The following PEBP4 variants were observed in gnomAD, a reference collection of about 807,000 sequenced individuals.
PEBP4 encodes phosphatidylethanolamine-binding protein 4.
A neutral mutation model predicts 23.9 loss-of-function variants in PEBP4; 22 were observed. The ratio of observed to expected loss-of-function variants is 0.92; its 90% CI spans 0.66 to 1.31. The LOEUF (loss-of-function observed/expected upper bound fraction) is 1.31. Among genes scored for constraint, PEBP4 ranks in the 40% most tolerant of loss-of-function variants. The pLI is 0.00. For missense variants in PEBP4, 324 were observed against 281.7 expected, an observed-to-expected ratio of 1.15 and a Z score of -1.07; for synonymous variants, 112 against 99.3, an observed-to-expected ratio of 1.13 and a Z score of -0.76.
chr8:22,724,851 T>C lies in PEBP4; in HGVS notation c.509A>G (p.Lys170Arg), dbSNP rs753091074. 4.3e-6 allele frequency: 7 copies of C among 1,612,828 alleles called. No homozygotes were observed. The Middle Eastern group carries it at 5.0e-4, about 114-fold the overall frequency. Residue 170 changes from lysine (K) to arginine (R), a missense_variant, in exon 6 of 7, where the codon AAA becomes AGA. Lys to Arg is a conservative substitution (Grantham distance 26). Transcript: ENST00000256404. ...GGATGGGGAGGTCTTACCTCGAGTT[T>C]TGTTTTCCTTGGGAAGGAGAGAGAT... is the stretch of plus-strand genomic sequence containing the variant. Reference protein sequence around the residue: ...KVISLLPKENKTRGSWKMDRF... With the variant: ...KVISLLPKENRTRGSWKMDRF...
At position 22,715,861 on chromosome 8, in the gene PEBP4, G is replaced by T. The variant is rs555557143; in HGVS notation, c.518-2325C>A. Among the ~76,000 whole-genome samples the T allele has an allele frequency of 2.0e-5, 3 of 152,358 alleles. No individual in the cohort carries two copies. In the South Asian group the frequency reaches 6.2e-4, roughly 32 times the overall value. On this transcript the variant is annotated intron_variant, in intron 6 of 6. Coordinates refer to ENST00000256404, the MANE Select transcript of PEBP4 (RefSeq NM_144962.3). ...AGAGGGGGTGAGTCAGGCCCTTGGG[G>T]TGTGTGGGGAGAGCTGGAGAGCTAG... is the stretch of plus-strand genomic sequence containing the variant.
intron 4 of PEBP4, among the ~76,000 whole-genome samples, chr8:22,786,208 T>TAAAA: frequency 6.6e-6 from 1 of 152,200 alleles, no homozygotes; most frequent in Non-Finnish European, 1.5e-5. Flanking sequence ...TAATACATTA[T>TAAAA]GTATTCTGGG....
In PEBP4 at chr8:22,940,467, C is replaced by T. The variant is rs149959607; in HGVS notation, c.145-12747G>A. ...CACGCTAGAGTGAAAAAATTGGAAA[C>T]ACCACCTTTACCATGAATTTCTCTT... On this transcript the variant is annotated intron_variant, in intron 1 of 1. Coordinates refer to the PEBP4 transcript ENST00000522278. 2.9e-3 allele frequency among the ~76,000 whole-genome samples: 430 copies of T among 149,292 alleles called. 4 individuals are homozygous for T. Among genetic ancestry groups the T allele is most frequent in the Non-Finnish European group, 5.0e-3 (336 of 67,614 alleles).
chr8:22,728,555 T>TTC (rs1563196300), intron 4 of PEBP4, among the ~76,000 whole-genome samples: 25 of 69,486 alleles, frequency 3.6e-4, no homozygotes, highest in African/African-American at 1.2e-3. Flanking sequence ...TTTCTTTCTT[T>TTC]CTTTCTTCCT....
chr8:22,758,202 C>G (rs1011809776), intron 4 of PEBP4: 1 of 152,206 alleles, frequency 6.6e-6, no homozygotes, highest in African/African-American at 2.4e-5. Context: ...GATTTTGAAG[C>G]TGGTGGGTCA....
intron 3 of PEBP4, among the ~76,000 whole-genome samples, chr8:22,912,037 G>A (rs1585339724): frequency 1.3e-5 from 2 of 152,034 alleles, no homozygotes; most frequent in South Asian, 2.1e-4. Flanking sequence ...GATTGGGTAA[G>A]GGGGGGCGCT....
intron 4 of PEBP4, among the ~76,000 whole-genome samples, chr8:22,800,161 G>A (rs1282501202): frequency 2.0e-5 from 3 of 151,992 alleles, no homozygotes; most frequent in Non-Finnish European, 4.4e-5. Flanking sequence ...GTAAACTTTC[G>A]CTTTCTTCTT....
At chr8:22,935,122 G>A in intron 1 of PEBP4, among the ~76,000 whole-genome samples, 1 of 152,166 alleles carries the variant, frequency 6.6e-6, no homozygotes, top group East Asian at 1.9e-4. Flanking sequence ...AGCATACAAG[G>A]ATAGAATTGA....
chr8:22,928,656 C>T (rs1028781138), upstream of PEBP4, among the ~76,000 whole-genome samples: 7 of 152,048 alleles, frequency 4.6e-5, no homozygotes, highest in Admixed American at 2.0e-4. Flanking sequence ...TCCAATAGCT[C>T]TGCTCTCTGC....
chr8:22,768,711 G>A (rs1189638677), intron 4 of PEBP4, among the ~76,000 whole-genome samples: 1 of 151,850 alleles, frequency 6.6e-6, no homozygotes, highest in Non-Finnish European at 1.5e-5. Flanking sequence ...GAGGTAGGGG[G>A]TGGGTCAGGG....
At chr8:22,724,286 C>T (rs546129736) in intron 6 of PEBP4, among the ~76,000 whole-genome samples, 16 of 152,008 alleles carry the variant, frequency 1.1e-4, no homozygotes, top group African/African-American at 3.4e-4. Context: ...CGGGGTTCGC[C>T]ATTAGGAGGC....
chr8:22,719,514 CCAA>C (rs1340660088), intron 6 of PEBP4, among the ~76,000 whole-genome samples: 1 of 152,154 alleles, frequency 6.6e-6, no homozygotes, highest in African/African-American at 2.4e-5. Flanking sequence ...CTGCTGCTGG[CCAA>C]GGAGGCCTGG....
intron 3 of PEBP4, among the ~76,000 whole-genome samples, chr8:22,818,344 C>A (rs1268679095): frequency 1.3e-5 from 2 of 151,904 alleles, no homozygotes; most frequent in African/African-American, 4.8e-5. Flanking sequence ...AGCAAGGGAA[C>A]GTGTGAGTAG....
At chr8:22,916,269 CA>C (rs1809069737) in intron 3 of PEBP4, among the ~76,000 whole-genome samples, 1 of 152,240 alleles carries the variant, frequency 6.6e-6, no homozygotes, top group Non-Finnish European at 1.5e-5. Context: ...AGAAGCTTCT[CA>C]GGGGCCTTTC....
At chr8:22,914,879 T>G (rs1251695241) in intron 3 of PEBP4, among the ~76,000 whole-genome samples, 1 of 152,216 alleles carries the variant, frequency 6.6e-6, no homozygotes, top group African/African-American at 2.4e-5. Context: ...GCACCGTTAT[T>G]AGAGTTAACA....
intron 3 of PEBP4, among the ~76,000 whole-genome samples, chr8:22,859,908 C>T (rs1807730621): frequency 6.6e-6 from 1 of 151,316 alleles, no homozygotes; most frequent in African/African-American, 2.4e-5. Flanking sequence ...CACTTGAGCC[C>T]AGGAGATGTC....
chr8:22,811,745 T>C (rs1298464219), intron 4 of PEBP4, among the ~76,000 whole-genome samples: 1 of 152,176 alleles, frequency 6.6e-6, no homozygotes, highest in Admixed American at 6.5e-5. Context: ...CCAACACGCT[T>C]TGGTTTCCTC....
intron 4 of PEBP4, among the ~76,000 whole-genome samples, chr8:22,776,520 G>A (rs1805817812): frequency 6.6e-6 from 1 of 151,898 alleles, no homozygotes; most frequent in African/African-American, 2.4e-5. Context: ...TCAAACCACT[G>A]GTCTTTCGTT....
chr8:22,724,316 C>T (rs1348633792), intron 6 of PEBP4, among the ~76,000 whole-genome samples: 3 of 152,062 alleles, frequency 2.0e-5, no homozygotes, highest in Non-Finnish European at 4.4e-5. Flanking sequence ...TTGGTCTGCT[C>T]CAGAAGCCAA....
Sources: allele counts gnomAD v4.1 joint callset (sites outside exome capture counted in the v4.1 genomes callset), GRCh38; gene constraint gnomAD v4.1.1; transcripts MANE v1.5; gene names NCBI Gene and HGNC (gene_info 2026-07-23, HGNC 2026-07-21).